Variants in STK33 observed in about 807,000 individuals in gnomAD.
The protein encoded by STK33 is serine/threonine kinase 33, also known as serine/threonine-protein kinase 33.
STK33 carries 52 observed loss-of-function variants against 58.0 expected under a neutral mutation model. The observed-to-expected ratio is 0.90, with a 90% confidence interval of 0.72 to 1.13. The LOEUF (loss-of-function observed/expected upper bound fraction) is 1.13, where lower values mean the gene tolerates loss of function less well. Among genes scored for constraint, STK33 ranks in the 50% most tolerant of loss-of-function variants. The probability of loss-of-function intolerance (pLI) is 0.00; values close to 1 mark genes in which losing one functional copy is unlikely to be tolerated. For synonymous variants in STK33, 215 were observed against 200.1 expected, an observed-to-expected ratio of 1.07 and a Z score of -0.63; for missense variants, 630 against 604.2, an observed-to-expected ratio of 1.04 and a Z score of -0.45.
At chr11:8,571,101 G>A (rs1448459584) in intron 1 of STK33, among the ~76,000 whole-genome samples, 3 of 152,144 alleles carry the variant, frequency 2.0e-5, no homozygotes, top group Non-Finnish European at 4.4e-5. Context: ...TTAACACATA[G>A]AAGCAGTTTC....
chr11:8,429,190 G>C (rs1249254794), intron 14 of STK33, among the ~76,000 whole-genome samples: 1 of 152,062 alleles, frequency 6.6e-6, no homozygotes, highest in Non-Finnish European at 1.5e-5. Flanking sequence ...GTAAAAAACT[G>C]ATATTAGCTT....
chr11:8,546,911 CT>C (rs1312857049), intron 1 of STK33, among the ~76,000 whole-genome samples: 1 of 151,998 alleles, frequency 6.6e-6, no homozygotes, highest in African/African-American at 2.4e-5. Context: ...GCAGGTATCT[CT>C]TTTCTTTTGG....
chr11:8,345,418 C>T, the STK33 span, among the ~76,000 whole-genome samples: 1 of 152,242 alleles, frequency 6.6e-6, no homozygotes, highest in Non-Finnish European at 1.5e-5. Context: ...CTTCCTTCCA[C>T]GAATACGTAT....
intron 1 of STK33, among the ~76,000 whole-genome samples, chr11:8,508,454 C>G (rs1216439793): frequency 6.6e-6 from 1 of 151,700 alleles, no homozygotes; most frequent in African/African-American, 2.4e-5. Context: ...TAATTTATTG[C>G]AGTGATGGAG....
chr11:8,546,282 A>G (rs1244253046), intron 1 of STK33, among the ~76,000 whole-genome samples: 1 of 152,192 alleles, frequency 6.6e-6, no homozygotes, highest in Admixed American at 6.5e-5. Flanking sequence ...TCTTTCTTCA[A>G]TAATAAACTA....
chr11:8,569,875 T>C (rs1385819042), intron 1 of STK33, among the ~76,000 whole-genome samples: 1 of 152,042 alleles, frequency 6.6e-6, no homozygotes, highest in African/African-American at 2.4e-5. Context: ...GAGAATCACT[T>C]GAGCCCAAGG....
chr11:8,474,859 C>T lies in STK33; in HGVS notation c.47G>A (p.Cys16Tyr), dbSNP rs754553102. The change falls in exon 5 of 16, where the codon TGT (cysteine) becomes TAT (tyrosine). Residue 16 changes from cysteine (C) to tyrosine (Y), a missense_variant. By Grantham distance (194) the Cys-to-Tyr change is radical (BLOSUM62 -2). Transcript: ENST00000687296. ...TACATCTTTCTGAGAAGCAGATGAA[C>T]AGTCGGGGCATTTTGTGGATTTTTT... ...LDKKSTKCPD[C>Y]SSASQKDVLC... 3 of 1,603,034 alleles carry T rather than the reference C, an allele frequency of 1.9e-6. No homozygotes were observed. The highest frequency in any genetic ancestry group is 2.6e-6 in the Non-Finnish European group (3 of 1,175,416).
chr11:8,465,724 A>T (rs1948101534), intron 6 of STK33: 1 of 152,536 alleles, frequency 6.6e-6, no homozygotes, highest in Admixed American at 6.5e-5. Context: ...TTCCATAGAA[A>T]TGCCACTCTC....
At chr11:8,339,439 G>A in the STK33 span, among the ~76,000 whole-genome samples, 2 of 152,210 alleles carry the variant, frequency 1.3e-5, no homozygotes, top group African/African-American at 4.8e-5. Flanking sequence ...AGTAATTGCC[G>A]ACTCCGGGAG....
chr11:8,519,526 C>G (rs570391139), intron 1 of STK33, among the ~76,000 whole-genome samples: 3 of 152,020 alleles, frequency 2.0e-5, no homozygotes, highest in Admixed American at 2.0e-4. Context: ...ACACAAAAAA[C>G]CCTTCAAAAA....
chr11:8,416,872 G>C (rs1004241423), intron 14 of STK33, among the ~76,000 whole-genome samples: 4 of 152,178 alleles, frequency 2.6e-5, no homozygotes, highest in Non-Finnish European at 5.9e-5. Context: ...AGGTGGTATA[G>C]AGTCCAGGCT....
intron 14 of STK33, among the ~76,000 whole-genome samples, chr11:8,424,751 AT>A (rs1293872726): frequency 1.4e-5 from 2 of 145,694 alleles, no homozygotes; most frequent in East Asian, 2.0e-4. Flanking sequence ...GATGATGAGC[AT>A]TTTTTCACGT....
intron 1 of STK33, among the ~76,000 whole-genome samples, chr11:8,550,995 T>C (rs1189400053): frequency 1.3e-5 from 2 of 151,692 alleles, no homozygotes; most frequent in East Asian, 3.9e-4. Flanking sequence ...GAAAAAGAGA[T>C]TTAATGGACT....
the STK33 span, among the ~76,000 whole-genome samples, chr11:8,361,420 T>C: frequency 3.1e-3 from 473 of 152,208 alleles, no homozygotes; most frequent in African/African-American, 0.011. This position sits in a 1 kb window ranked among gnomAD's most constrained non-coding sequence, Gnocchi z 4.8. Context: ...ACCAGACCCC[T>C]GCCTGCCCTC....
At chr11:8,493,686 C>G (rs182280208) in intron 1 of STK33, among the ~76,000 whole-genome samples, 1 of 152,138 alleles carries the variant, frequency 6.6e-6, no homozygotes, top group Non-Finnish European at 1.5e-5. Flanking sequence ...AACATCAATG[C>G]TAAAATCCTC....
intron 1 of STK33, among the ~76,000 whole-genome samples, chr11:8,521,678 A>T (rs567452987): frequency 6.5e-4 from 99 of 152,336 alleles, no homozygotes; most frequent in African/African-American, 2.3e-3. Context: ...CTACCCTCAG[A>T]GTGAACAGGC....
chr11:8,526,692 T>C (rs948931370), intron 1 of STK33, among the ~76,000 whole-genome samples: 2 of 151,984 alleles, frequency 1.3e-5, no homozygotes. Context: ...CAACTAGTTA[T>C]CAAAATTATC....
chr11:8,468,792 A>G (rs1000009115), intron 6 of STK33, among the ~76,000 whole-genome samples: 1 of 152,156 alleles, frequency 6.6e-6, no homozygotes, highest in Non-Finnish European at 1.5e-5. Context: ...GCAACTCTCA[A>G]CTGTATACAG....
chr11:8,505,426 T>C (rs1210687897), intron 1 of STK33, among the ~76,000 whole-genome samples: 1 of 152,224 alleles, frequency 6.6e-6, no homozygotes, highest in East Asian at 1.9e-4. Flanking sequence ...GTTTCTCTCC[T>C]CTCTGTGCTG....
Sources: allele counts gnomAD v4.1 joint callset (sites outside exome capture counted in the v4.1 genomes callset), GRCh38; gene constraint gnomAD v4.1.1; non-coding constraint Gnocchi (gnomAD v3.1); transcripts MANE v1.5; gene names NCBI Gene and HGNC (gene_info 2026-07-23, HGNC 2026-07-21).